PCMT1: variants seen among roughly 807,000 people sequenced by gnomAD.
PCMT1 encodes the protein protein-L-isoaspartate(D-aspartate) O-methyltransferase.
In PCMT1, 9 loss-of-function variants were observed where a neutral mutation model predicts 29.2. That is an observed-to-expected ratio of 0.31 (90% confidence interval 0.19 to 0.54). The LOEUF (loss-of-function observed/expected upper bound fraction) is 0.54, where lower values mean the gene tolerates loss of function less well. Ranked by LOEUF, PCMT1 falls within the 20% of genes least tolerant of loss-of-function variation. The pLI, the probability that PCMT1 is intolerant of heterozygous loss-of-function variation, is 0.95. For missense variants in PCMT1, 184 were observed against 282.2 expected, an observed-to-expected ratio of 0.65 and a Z score of 2.49; for synonymous variants, 98 against 97.5, an observed-to-expected ratio of 1.00 and a Z score of -0.03.
At chr6:149,793,819 A>T in intron 5 of PCMT1, 150 bp downstream of exon 5, 1 of 612,208 alleles carries the variant, frequency 1.6e-6, no homozygotes, top group Non-Finnish European at 2.5e-6. Context: ...ATTTTTGCTC[A>T]CCTAGTGTGT....
Position 149,805,410 on chromosome 6 carries a change from G to A in PCMT1, c.*37+2994G>A, listed in dbSNP as rs535697154. 3.8e-3 allele frequency among the ~76,000 whole-genome samples: 576 copies of A among 151,198 alleles called. 4 individuals carry two copies. The highest frequency in any genetic ancestry group is 0.016 in the East Asian group (82 of 5,108). ...AGATCGAGACCATCCTGGGTAACAT[G>A]GCGAAACCCCGTCTCTCCTAAAAAT... On this transcript the variant is annotated intron_variant, in intron 7 of 7. Coordinates refer to ENST00000464889, the MANE Select transcript of PCMT1 (RefSeq NM_001360452.2).
intron 1 of PCMT1, among the ~76,000 whole-genome samples, chr6:149,754,540 C>T (rs1056007996): frequency 1.3e-5 from 2 of 152,176 alleles, no homozygotes. Flanking sequence ...GGGATGTTAA[C>T]TTAATGGATA....
chr6:149,806,647 T>G (rs901085654), intron 7 of PCMT1, among the ~76,000 whole-genome samples: 2 of 152,218 alleles, frequency 1.3e-5, no homozygotes, highest in Non-Finnish European at 2.9e-5. Flanking sequence ...TGGAGTGCAG[T>G]GGCATGATCT....
At position 149,801,478 on chromosome 6, in the gene PCMT1, C is replaced by T. The variant is rs961616267; in HGVS notation, c.505-722C>T. Among the ~76,000 whole-genome samples, 3 of 152,120 alleles carry T rather than the reference C, an allele frequency of 2.0e-5. No individual in the cohort carries two copies. In the East Asian group the frequency reaches 5.8e-4, roughly 29 times the overall value. ...TGTATTTATTTTTAAGACGGAGTCTCGCTCTGTCACCCAGGCTGGAGTGTG... is the reference window on the plus strand; with the variant it reads ...TGTATTTATTTTTAAGACGGAGTCTTGCTCTGTCACCCAGGCTGGAGTGTG... On this transcript the variant is annotated intron_variant, in intron 6 of 7. Coordinates refer to ENST00000464889, the MANE Select transcript of PCMT1 (RefSeq NM_001360452.2).
At chr6:149,789,066 A>ATTTTT (rs56661461) in intron 3 of PCMT1, among the ~76,000 whole-genome samples, 129 of 90,474 alleles carry the variant, frequency 1.4e-3, no homozygotes, top group Non-Finnish European at 1.8e-3. Flanking sequence ...ATTGGATCTG[A>ATTTTT]TTTTTTTTTT....
rs1407016123 is a variant in PCMT1, at chr6:149,756,512, C to CTATTTTTTTT, written c.55+6557_55+6558insATTTTTTTTT. ...TACAGATGCACACCACCATGACTGG[C>CTATTTTTTTT]TTTTTTTTTTTTTTTTTTTTTTTTT... On this transcript the variant is annotated intron_variant, in intron 1 of 7. Coordinates refer to ENST00000464889, the MANE Select transcript of PCMT1 (RefSeq NM_001360452.2). Among the ~76,000 whole-genome samples the CTATTTTTTTT allele has an allele frequency of 8.0e-5, 6 of 74,720 alleles. 2 individuals carry two copies. Among genetic ancestry groups the CTATTTTTTTT allele is most frequent in the African/African-American group, 2.7e-4 (5 of 18,610 alleles). The allele number at this position is 74,720 out of a possible 152,430, so 49.0% of individuals were successfully genotyped here.
intron 1 of PCMT1, chr6:149,765,656 T>C (rs1268034133): frequency 2.7e-6 from 1 of 373,104 alleles, no homozygotes; most frequent in East Asian, 9.9e-5. Flanking sequence ...CTTATTTTTT[T>C]ATTTTTTATT....
intron 6 of PCMT1, chr6:149,796,722 A>G (rs1788626884): frequency 2.4e-6 from 1 of 417,472 alleles, no homozygotes; most frequent in Non-Finnish European, 4.2e-6. Flanking sequence ...TATTTGATCC[A>G]GGTAAGAACT....
chr6:149,805,548 C>T lies in PCMT1; in HGVS notation c.*37+3132C>T, dbSNP rs561392262. Among the ~76,000 whole-genome samples the T allele has an allele frequency of 2.7e-3, 399 of 150,410 alleles. 4 individuals are homozygous for T. The highest frequency in any genetic ancestry group is 9.3e-3 in the African/African-American group (381 of 40,938). On this transcript the variant is annotated intron_variant, in intron 7 of 7. Coordinates refer to ENST00000464889, the MANE Select transcript of PCMT1 (RefSeq NM_001360452.2). ...GGCCGAGCTTGCAGTGAGCTGAGATCGCGCCATTGCACTCCAGCCTGGGCA... is the reference window on the plus strand; with the variant it reads ...GGCCGAGCTTGCAGTGAGCTGAGATTGCGCCATTGCACTCCAGCCTGGGCA...
At position 149,766,749 on chromosome 6, in the gene PCMT1, C is replaced by G. The variant is rs549425774; in HGVS notation, c.56-4413C>G. On this transcript the variant is annotated intron_variant, in intron 1 of 7. Transcript: ENST00000464889. ...CTCTGCTATAGAATGTTTCTTTCAC[C>G]CAAAAAGTTTTCTGGTGTCTCTTTG... 5.9e-5 allele frequency among the ~76,000 whole-genome samples: 9 copies of G among 152,234 alleles called. No individual in the cohort carries two copies. In the South Asian group the frequency reaches 1.9e-3, roughly 32 times the overall value.
At chr6:149,790,089 A>G in intron 4 of PCMT1, 31 bp downstream of exon 4, 1 of 1,253,402 alleles carries the variant, frequency 8.0e-7, no homozygotes, top group Non-Finnish European at 1.1e-6. Flanking sequence ...TCTGGCCCCA[A>G]CAGAAGAATA....
chr6:149,763,678 A>G (rs745473383), intron 1 of PCMT1, among the ~76,000 whole-genome samples: 3 of 152,178 alleles, frequency 2.0e-5, no homozygotes, highest in Non-Finnish European at 4.4e-5. Flanking sequence ...CCTCAAGTAA[A>G]ATCTTTAAGA....
At chr6:149,799,013 A>G (rs1327726431) in intron 6 of PCMT1, 1 of 152,218 alleles carries the variant, frequency 6.6e-6, no homozygotes, top group African/African-American at 2.4e-5. Flanking sequence ...GGGGATAAAG[A>G]GAAGATTCTG....
At chr6:149,772,445 G>T in intron 2 of PCMT1, 1 of 340,788 alleles carries the variant, frequency 2.9e-6, no homozygotes, top group Non-Finnish European at 5.7e-6. Context: ...ATTTTGCACA[G>T]ACTTTGTATA....
intron 1 of PCMT1, among the ~76,000 whole-genome samples, chr6:149,766,042 T>C (rs570780236): frequency 9.9e-5 from 15 of 152,110 alleles, no homozygotes; most frequent in Non-Finnish European, 2.1e-4. Context: ...ATTCCTTCTA[T>C]TACCTGTACA....
At chr6:149,781,827 A>G (rs547055695) in intron 3 of PCMT1, among the ~76,000 whole-genome samples, 15 of 152,296 alleles carry the variant, frequency 9.8e-5, no homozygotes, top group East Asian at 1.9e-4. Flanking sequence ...TTGTTATGCA[A>G]TCAGTCTTCA....
rs140316947 is a variant in PCMT1, at chr6:149,755,891, A to AGTAAG, written c.55+5939_55+5943dup. On this transcript the variant is annotated intron_variant, in intron 1 of 7. Transcript: ENST00000464889. ...GGTTTATAGTTGTAGAGAAGGCCTC[A>AGTAAG]GTAAGGTATCATTAGACCAAAGATT... Among the ~76,000 whole-genome samples, 679 of 152,316 alleles carry AGTAAG rather than the reference A, an allele frequency of 4.5e-3. 6 individuals are homozygous for AGTAAG. The highest frequency in any genetic ancestry group is 0.016 in the African/African-American group (646 of 41,574).
intron 3 of PCMT1, among the ~76,000 whole-genome samples, chr6:149,774,104 C>G (rs1453851652): frequency 6.6e-6 from 1 of 152,170 alleles, no homozygotes; most frequent in African/African-American, 2.4e-5. Flanking sequence ...GTCCTCCCAC[C>G]TCAGCCTCCT....
chr6:149,765,359 C>CAAAAAAA (rs745563333), intron 1 of PCMT1, among the ~76,000 whole-genome samples: 3 of 85,648 alleles, frequency 3.5e-5, no homozygotes, highest in African/African-American at 4.5e-5. Context: ...GACTCTGTCT[C>CAAAAAAA]AAAAAAAAAA....
Sources: gnomAD v4.1 joint callset for allele counts (sites outside exome capture counted in the v4.1 genomes callset) on GRCh38, gnomAD v4.1.1 for gene constraint, MANE v1.5 for transcripts, NCBI Gene and HGNC (gene_info 2026-07-23, HGNC 2026-07-21) for gene names.